WBP1L: variants seen among roughly 807,000 people sequenced by gnomAD.
The protein encoded by WBP1L is WW domain binding protein 1-like.
Under a neutral mutation model 33.7 loss-of-function variants are expected in WBP1L, and 17 were observed. That is an observed-to-expected ratio of 0.50 (90% CI 0.34 to 0.76). The LOEUF (loss-of-function observed/expected upper bound fraction) is 0.76, where lower values mean the gene tolerates loss of function less well. WBP1L is among the 30% of genes least tolerant of loss of function. WBP1L has a pLI of 0.01. For synonymous variants in WBP1L, 173 were observed against 190.8 expected, an observed-to-expected ratio of 0.91 and a Z score of 0.77; for missense variants, 389 against 469.4, an observed-to-expected ratio of 0.83 and a Z score of 1.58.
chr10:102,784,055 T>G (rs1393277028), intron 1 of WBP1L, among the ~76,000 whole-genome samples: 1 of 151,774 alleles, frequency 6.6e-6, no homozygotes, highest in Non-Finnish European at 1.5e-5. Context: ...TACAGAGTCA[T>G]TTTTTGTGGG....
chr10:102,813,167 G>C lies in WBP1L; in HGVS notation c.928G>C (p.Val310Leu), dbSNP rs148774241. 3.7e-6 allele frequency: 6 copies of C among 1,614,040 alleles called. No individual in the cohort carries two copies. Among genetic ancestry groups the C allele is most frequent in the Non-Finnish European group, 5.1e-6 (6 of 1,180,036 alleles). The change falls in exon 4 of 4, where the codon GTG becomes CTG. Residue 310 changes from valine to leucine, a missense_variant. By Grantham distance (32) the Val-to-Leu change is conservative. Transcript: ENST00000448841. ...CCTGGACTTCTGCGACAGCTGCCAT[G>C]TGCGGCCCCCTGGTGATGAGGAGGA... ...GPLDFCDSCH[V>L]RPPGDEEEGL... is the part of the protein sequence containing the mutation.
At chr10:102,799,555 G>T (rs996102671) in intron 2 of WBP1L, among the ~76,000 whole-genome samples, 2 of 152,266 alleles carry the variant, frequency 1.3e-5, no homozygotes, top group East Asian at 1.9e-4. Context: ...TGTTGGGGGG[G>T]TGGTGCTTAG....
chr10:102,759,020 G>A (rs1843008692), intron 1 of WBP1L, among the ~76,000 whole-genome samples: 1 of 152,216 alleles, frequency 6.6e-6, no homozygotes, highest in African/African-American at 2.4e-5. Flanking sequence ...TGGACAAGGA[G>A]CGTGACCACT....
intron 1 of WBP1L, among the ~76,000 whole-genome samples, chr10:102,748,257 C>CAA (rs560569023): frequency 3.0e-5 from 4 of 132,450 alleles, no homozygotes; most frequent in East Asian, 2.2e-4. Flanking sequence ...GACTCCGTCT[C>CAA]AAAAAAAAAA....
At chr10:102,754,424 A>G (rs1842950977) in intron 1 of WBP1L, among the ~76,000 whole-genome samples, 1 of 152,082 alleles carries the variant, frequency 6.6e-6, no homozygotes, top group Non-Finnish European at 1.5e-5. Context: ...TTGGAGATGA[A>G]GTCTTGCTCT....
chr10:102,785,085 G>A (rs989038211), intron 1 of WBP1L, among the ~76,000 whole-genome samples: 1 of 151,100 alleles, frequency 6.6e-6, no homozygotes, highest in Non-Finnish European at 1.5e-5. Flanking sequence ...TGGTAGCCGG[G>A]CAGATCTTGA....
At chr10:102,744,970 A>G (rs1298299428) in intron 1 of WBP1L, among the ~76,000 whole-genome samples, 1 of 152,144 alleles carries the variant, frequency 6.6e-6, no homozygotes, top group East Asian at 1.9e-4. Context: ...GGCATTTCAA[A>G]ACCCTAATGG....
intron 1 of WBP1L, among the ~76,000 whole-genome samples, chr10:102,783,344 C>G (rs555468352): frequency 6.6e-6 from 1 of 152,254 alleles, no homozygotes; most frequent in African/African-American, 2.4e-5. Flanking sequence ...AGGACCCCTT[C>G]ATGCTGCTGC....
intron 1 of WBP1L, among the ~76,000 whole-genome samples, chr10:102,757,872 GCC>G (rs1196439667): frequency 2.9e-5 from 1 of 34,204 alleles, no homozygotes; most frequent in Non-Finnish European, 5.7e-5. Flanking sequence ...CACTGTACCT[GCC>G]CTCCCCCCCC....
At chr10:102,785,080 G>A (rs868623983) in intron 1 of WBP1L, among the ~76,000 whole-genome samples, 1 of 150,062 alleles carries the variant, frequency 6.7e-6, no homozygotes, top group East Asian at 2.0e-4. Flanking sequence ...CACCATGGTA[G>A]CCGGGCAGAT....
rs1843870739 is a variant in WBP1L at position 102,813,080 on chromosome 10, G to A, written c.841G>A (p.Gly281Ser). 11 of 1,613,836 alleles carry A rather than the reference G, an allele frequency of 6.8e-6. No individual in the cohort carries two copies. The highest frequency in any genetic ancestry group is 8.5e-6 in the Non-Finnish European group (10 of 1,180,022). ...SGIEVCVCNR[G>S]HHDDDLKEFN... ...CATTGAAGTGTGTGTGTGCAACCGG[G>A]GCCACCATGACGATGACCTCAAAGA... The change falls in exon 4 of 4, where the codon GGC becomes AGC. Residue 281 changes from glycine (G) to serine (S), a missense_variant. Physicochemically the swap from Gly to Ser is moderately conservative, Grantham distance 56 (BLOSUM62 0). Transcript: ENST00000448841.
chr10:102,759,795 A>G (rs1196427800), intron 1 of WBP1L, among the ~76,000 whole-genome samples: 2 of 152,198 alleles, frequency 1.3e-5, no homozygotes, highest in African/African-American at 4.8e-5. Context: ...CCTCCTGAGT[A>G]GCTGCAACTA....
In WBP1L at chr10:102,757,229, T is replaced by G. The variant is rs567720923; in HGVS notation, c.90+13086T>G. 2.5e-3 allele frequency among the ~76,000 whole-genome samples: 382 copies of G among 152,284 alleles called. 1 individual carries two copies. The highest frequency in any genetic ancestry group is 4.2e-3 in the Non-Finnish European group (287 of 68,012). On this transcript the variant is annotated intron_variant, in intron 1 of 3. Transcript: ENST00000448841. Reference sequence around the variant, plus strand: ...TTATAGAGACAGGGTCTTGCTATGTTCCCCAGGCTGGTCTTGAATTCCTGG... The same window carrying G: ...TTATAGAGACAGGGTCTTGCTATGTGCCCCAGGCTGGTCTTGAATTCCTGG...
chr10:102,774,622 A>T (rs1172200152), intron 1 of WBP1L, among the ~76,000 whole-genome samples: 1 of 152,186 alleles, frequency 6.6e-6, no homozygotes, highest in Non-Finnish European at 1.5e-5. Context: ...TGTACGTGTC[A>T]TGTGCTCCTA....
intron 1 of WBP1L, among the ~76,000 whole-genome samples, chr10:102,749,374 G>A (rs907074925): frequency 6.6e-6 from 1 of 152,202 alleles, no homozygotes; most frequent in Admixed American, 6.5e-5. Context: ...GGGCTCAAGC[G>A]ATCCTTCTGC....
chr10:102,766,866 AGT>A (rs1454433816), intron 1 of WBP1L, among the ~76,000 whole-genome samples: 1 of 151,326 alleles, frequency 6.6e-6, no homozygotes, highest in African/African-American at 2.4e-5. Context: ...ATTTCATCTG[AGT>A]GTGTTTCATG....
chr10:102,768,371 GTTTTTTT>G (rs1192088947), intron 1 of WBP1L, among the ~76,000 whole-genome samples: 1 of 12,220 alleles, frequency 8.2e-5, no homozygotes, highest in African/African-American at 5.4e-4. Flanking sequence ...TTAGTTTTTT[GTTTTTTT>G]TTTTTTTTTT....
chr10:102,812,750 A>G lies in WBP1L; in HGVS notation c.511A>G (p.Thr171Ala), dbSNP rs768788078. 6 of 1,613,610 alleles carry G rather than the reference A, an allele frequency of 3.7e-6. No homozygotes were observed. The South Asian group carries it at 6.6e-5, about 18-fold the overall frequency. The change falls in exon 4 of 4, where the codon ACC (threonine) becomes GCC (alanine). Residue 171 changes from threonine (T) to alanine (A), a missense_variant. By Grantham distance (58) the Thr-to-Ala change is moderately conservative. Coordinates refer to ENST00000448841, the MANE Select transcript of WBP1L (RefSeq NM_001083913.2). ...TGGCAGTCCCCCGGGCATCGATCCC[A>G]CCAGGGGATCCCAGGGGGCACAGAG... ...AGGSPPGIDP[T>A]RGSQGAQSSP... is the part of the protein sequence containing the mutation.
chr10:102,746,846 A>G (rs2134022253), intron 1 of WBP1L, among the ~76,000 whole-genome samples: 1 of 152,244 alleles, frequency 6.6e-6, no homozygotes. Context: ...TTTTTTTTAC[A>G]TGCACAATCT....
Sources: gnomAD v4.1 joint callset for allele counts (sites outside exome capture counted in the v4.1 genomes callset) on GRCh38, gnomAD v4.1.1 for gene constraint, MANE v1.5 for transcripts, NCBI Gene and HGNC (gene_info 2026-07-23, HGNC 2026-07-21) for gene names.